C11orf54: variants seen among roughly 807,000 people sequenced by gnomAD.
C11orf54 encodes beta-keto-L-gulonate decarboxylase, also known as beta-keto L-gulonate decarboxylase.
C11orf54 carries 29 observed loss-of-function variants against 35.5 expected under a neutral mutation model. That is an observed-to-expected ratio of 0.82 (90% CI 0.61 to 1.11). The LOEUF is 1.11. Ranked by LOEUF, C11orf54 falls within the 50% of genes most tolerant of loss-of-function variation. The pLI, the probability that C11orf54 is intolerant of heterozygous loss-of-function variation, is 0.00. For missense variants in C11orf54, 373 were observed against 369.2 expected, an observed-to-expected ratio of 1.01 and a Z score of -0.08; for synonymous variants, 108 against 121.1, an observed-to-expected ratio of 0.89 and a Z score of 0.71.
intron 7 of C11orf54, 60 bp downstream of exon 7, chr11:93,757,525 A>C: frequency 6.7e-7 from 1 of 1,493,672 alleles, no homozygotes; most frequent in South Asian, 1.3e-5. Context: ...CTTACTTAAG[A>C]TCTTAGGATT....
intron 1 of C11orf54, chr11:93,742,142 G>A (rs1942112522): frequency 6.5e-6 from 1 of 153,760 alleles, no homozygotes; most frequent in Non-Finnish European, 1.4e-5. Context: ...CATGTCACAA[G>A]TGAGACCTGT....
intron 5 of C11orf54, among the ~76,000 whole-genome samples, chr11:93,754,576 A>T (rs1943028678): frequency 6.6e-6 from 1 of 152,184 alleles, no homozygotes; most frequent in Non-Finnish European, 1.5e-5. Context: ...ATTCTCTCAT[A>T]ACCTCTTCAG....
At chr11:93,755,420 A>C in intron 6 of C11orf54, 34 bp downstream of exon 6, 1 of 1,589,384 alleles carries the variant, frequency 6.3e-7, no homozygotes, top group South Asian at 1.1e-5. Context: ...ATATTCCCTA[A>C]ATGTTCTCAG....
At chr11:93,757,710 G>T (rs1591362588) in intron 7 of C11orf54, among the ~76,000 whole-genome samples, 1 of 152,174 alleles carries the variant, frequency 6.6e-6, no homozygotes, top group South Asian at 2.1e-4. Context: ...TGTAGTTTTA[G>T]TAGAGACAAG....
intron 1 of C11orf54, among the ~76,000 whole-genome samples, chr11:93,745,252 G>T (rs1211527902): frequency 3.9e-5 from 6 of 152,120 alleles, no homozygotes; most frequent in Non-Finnish European, 7.4e-5. Flanking sequence ...GTCAGGCTGG[G>T]GGACGGTTAG....
intron 1 of C11orf54, chr11:93,746,223 CAA>C (rs2135580936): frequency 6.6e-6 from 1 of 152,306 alleles, no homozygotes; most frequent in African/African-American, 2.4e-5. Context: ...AAGAATATTT[CAA>C]ATGGCTGAAG....
chr11:93,748,056 G>C lies in C11orf54; in HGVS notation c.55+608G>C, dbSNP rs1032103123. Among the ~76,000 whole-genome samples, 3 of 152,166 alleles carry C rather than the reference G, an allele frequency of 2.0e-5. No individual in the cohort carries two copies. The East Asian group carries it at 5.8e-4, about 29-fold the overall frequency. On this transcript the variant is annotated intron_variant, in intron 2 of 8. Coordinates refer to ENST00000354421, the MANE Select transcript of C11orf54 (RefSeq NM_001286069.2). ...ACTAACCTTTATTTAACAACCTCTA[G>C]GTTCTGTTCTAATGGTAACTATAGA... is the stretch of plus-strand genomic sequence containing the variant.
intron 3 of C11orf54, among the ~76,000 whole-genome samples, chr11:93,753,315 C>A (rs1001577319): frequency 2.0e-4 from 28 of 140,124 alleles, no homozygotes; most frequent in Non-Finnish European, 6.3e-5. Context: ...AATTAAAAAA[C>A]AAGAAACAAT....
chr11:93,751,399 G>GTTTTTTTTTTT (rs71064778), intron 3 of C11orf54, among the ~76,000 whole-genome samples: 1 of 74,708 alleles, frequency 1.3e-5, no homozygotes, highest in African/African-American at 5.3e-5. Flanking sequence ...CTTTTTTATA[G>GTTTTTTTTTTT]TTTTTTTTTT....
rs1249089696 is a variant in C11orf54 at position 93,762,927 on chromosome 11, A to G, written c.*1239A>G. The G allele has an allele frequency of 6.6e-6, 1 of 152,222 alleles. No individual in the cohort carries two copies. The highest frequency in any genetic ancestry group is 1.5e-5 in the Non-Finnish European group (1 of 68,034). 9.4% of individuals were successfully genotyped at this position (152,222 alleles called of 1,614,324 possible). The stretch of plus-strand genomic sequence containing the variant: ...TAATGGTGCTAATGGCAATCTAGCT[A>G]ATGTGCAAATTTAGGAAGTCTTCAG... On this transcript the variant is annotated 3_prime_UTR_variant, in exon 9 of 9. Coordinates refer to ENST00000354421, the MANE Select transcript of C11orf54 (RefSeq NM_001286069.2).
chr11:93,755,218 A>G lies in C11orf54; in HGVS notation c.339A>G (p.Pro113=). The G allele has an allele frequency of 3.7e-6, 6 of 1,613,990 alleles. No individual in the cohort carries two copies. The highest frequency in any genetic ancestry group is 5.1e-6 in the Non-Finnish European group (6 of 1,179,910). The change falls in exon 6 of 9, where the codon CCA becomes CCG. Residue 113 remains proline, a synonymous_variant. Transcript: ENST00000354421. ...QTLGFNSEFM[P]VIQTESEHKP... is the part of the protein sequence containing the mutation. ...CCTCACTTTCTTTTCAGTTTATGCCAGTTATTCAGACAGAAAGTGAACACA... is the reference window on the plus strand; with the variant it reads ...CCTCACTTTCTTTTCAGTTTATGCCGGTTATTCAGACAGAAAGTGAACACA...
At chr11:93,749,539 AGG>A (rs1942700613) in intron 2 of C11orf54, among the ~76,000 whole-genome samples, 1 of 145,110 alleles carries the variant, frequency 6.9e-6, no homozygotes, top group Admixed American at 6.9e-5. Context: ...TGTTGAGGCT[AGG>A]TGTGATGGCT....
intron 5 of C11orf54, among the ~76,000 whole-genome samples, chr11:93,754,548 C>T (rs1477267140): frequency 1.3e-5 from 2 of 152,024 alleles, no homozygotes; most frequent in African/African-American, 4.8e-5. Context: ...CTCATGAATA[C>T]AAGACTTCAG....
chr11:93,752,171 A>G (rs1942869062), intron 3 of C11orf54, among the ~76,000 whole-genome samples: 1 of 152,112 alleles, frequency 6.6e-6, no homozygotes, highest in African/African-American at 2.4e-5. Flanking sequence ...TAATTTTGTC[A>G]TGCAGAGTTA....
At chr11:93,755,810 C>T (rs2135644597) in intron 6 of C11orf54, among the ~76,000 whole-genome samples, 1 of 151,130 alleles carries the variant, frequency 6.6e-6, no homozygotes, top group Admixed American at 6.6e-5. Flanking sequence ...TTAAATAACC[C>T]AGTAATGAAA....
intron 8 of C11orf54, among the ~76,000 whole-genome samples, chr11:93,760,154 A>G (rs1943380998): frequency 6.6e-6 from 1 of 152,162 alleles, no homozygotes; most frequent in Admixed American, 6.5e-5. Context: ...CACGTTGGTC[A>G]GGCTGGTCTC....
At chr11:93,759,905 G>C (rs1943366964) in intron 8 of C11orf54, 47 bp downstream of exon 8, 1 of 1,123,428 alleles carries the variant, frequency 8.9e-7, no homozygotes, top group African/African-American at 1.6e-5. Flanking sequence ...GATAATGCTT[G>C]ATTTTTAGGA....
Position 93,757,366 on chromosome 11 carries a change from T to C in C11orf54, c.558T>C (p.Thr186=). The C allele has an allele frequency of 6.3e-7, 1 of 1,598,274 alleles. No homozygotes were observed. Among genetic ancestry groups the C allele is most frequent in the East Asian group, 2.2e-5 (1 of 44,866 alleles). The change falls in exon 7 of 9, where the codon ACT becomes ACC. Residue 186 remains threonine (T), a synonymous_variant. Transcript: ENST00000354421. ...KRRTGPLNFV[T]CMRETLEKHY... ...GAACTGGACCACTTAACTTTGTGAC[T>C]TGTATGAGAGAGACCCTGGAAAAAC... is the stretch of plus-strand genomic sequence containing the variant.
At chr11:93,743,508 A>G (rs190869972) in intron 1 of C11orf54, among the ~76,000 whole-genome samples, 47 of 152,100 alleles carry the variant, frequency 3.1e-4, no homozygotes, top group Middle Eastern at 3.4e-3. Flanking sequence ...GAAGCCACGA[A>G]CTCCAGTCAC....
Sources: gnomAD v4.1 joint callset for allele counts (sites outside exome capture counted in the v4.1 genomes callset) on GRCh38, gnomAD v4.1.1 for gene constraint, MANE v1.5 for transcripts, NCBI Gene and HGNC (gene_info 2026-07-23, HGNC 2026-07-21) for gene names.